The following LRRC37A2 variants were observed in gnomAD, a reference collection of about 807,000 sequenced individuals.
LRRC37A2 encodes leucine-rich repeat-containing protein 37A2.
A neutral mutation model predicts 68.8 loss-of-function variants in LRRC37A2; 9 were observed. The observed-to-expected ratio is 0.13, with a 90% CI of 0.08 to 0.23. The LOEUF is 0.23. LRRC37A2 is among the 10% of genes least tolerant of loss of function. LRRC37A2 has a pLI of 1.00. For synonymous variants in LRRC37A2, 63 were observed against 367.6 expected (o/e 0.17, Z 9.48); for missense variants, 168 against 950.4 (o/e 0.18, Z 10.82).
the LRRC37A2 span, among the ~76,000 whole-genome samples, chr17:46,893,697 T>A: frequency 1.3e-5 from 2 of 151,966 alleles, no homozygotes; most frequent in Non-Finnish European, 2.9e-5. Context: ...CAAGCTGAGG[T>A]TGGAATCCTG....
At chr17:47,038,290 A>C in the LRRC37A2 span, among the ~76,000 whole-genome samples, 2 of 152,142 alleles carry the variant, frequency 1.3e-5, no homozygotes, top group African/African-American at 4.8e-5. Context: ...AACAGAGTGA[A>C]AACCTGTCTT....
chr17:46,534,959 C>G (rs1470410854), intron 6 of LRRC37A2, among the ~76,000 whole-genome samples: 1 of 149,978 alleles, frequency 6.7e-6, no homozygotes, highest in East Asian at 1.9e-4. Flanking sequence ...GGGCTCCTCA[C>G]TTCTCAGACG....
chr17:46,797,708 A>T, the LRRC37A2 span, among the ~76,000 whole-genome samples: 3 of 152,262 alleles, frequency 2.0e-5, no homozygotes, highest in African/African-American at 7.2e-5. Context: ...TGGCCAGGAG[A>T]CAAAATAGAT....
the LRRC37A2 span, among the ~76,000 whole-genome samples, chr17:46,873,202 G>C: frequency 3.3e-5 from 5 of 151,916 alleles, no homozygotes; most frequent in Non-Finnish European, 2.9e-5. Context: ...CGAGCCAGGC[G>C]ATGCATTTGT....
At chr17:46,899,379 G>T in the LRRC37A2 span, among the ~76,000 whole-genome samples, 1 of 152,104 alleles carries the variant, frequency 6.6e-6, no homozygotes, top group African/African-American at 2.4e-5. Context: ...CACTCCAGCC[G>T]GGGTGACAGA....
the LRRC37A2 span, among the ~76,000 whole-genome samples, chr17:46,871,994 G>A: frequency 6.6e-6 from 1 of 152,192 alleles, no homozygotes. Flanking sequence ...AGAGAGGGAT[G>A]TCAGGGGACC....
the LRRC37A2 span, among the ~76,000 whole-genome samples, chr17:46,973,966 G>T: frequency 6.6e-6 from 1 of 152,160 alleles, no homozygotes; most frequent in African/African-American, 2.4e-5. Context: ...CTGAGTTGGG[G>T]TCTGGGGAGG....
the LRRC37A2 span, among the ~76,000 whole-genome samples, chr17:46,840,332 C>T: frequency 1.6e-4 from 24 of 152,256 alleles, no homozygotes; most frequent in East Asian, 5.8e-4. Flanking sequence ...ATGATCCACC[C>T]GCCTCGGCCT....
chr17:46,500,624 C>T, the LRRC37A2 span, among the ~76,000 whole-genome samples: 1 of 150,792 alleles, frequency 6.6e-6, no homozygotes, highest in Non-Finnish European at 1.5e-5. Flanking sequence ...TGGGTTTAGG[C>T]CTGAGGTTCT....
At chr17:46,990,069 A>G in the LRRC37A2 span, among the ~76,000 whole-genome samples, 2 of 152,218 alleles carry the variant, frequency 1.3e-5, no homozygotes, top group Non-Finnish European at 2.9e-5. Context: ...TTCCCTGAGA[A>G]TTTCTACACG....
the LRRC37A2 span, among the ~76,000 whole-genome samples, chr17:46,758,816 TC>T: frequency 4.6e-5 from 7 of 152,010 alleles, no homozygotes; most frequent in Non-Finnish European, 1.0e-4. Context: ...AAACAGTGAG[TC>T]AGCTATAAAC....
the LRRC37A2 span, among the ~76,000 whole-genome samples, chr17:47,012,802 T>C: frequency 8.5e-5 from 13 of 152,346 alleles, no homozygotes; most frequent in East Asian, 2.5e-3. Context: ...TGCAGTCACT[T>C]TGGAAATCTG....
At chr17:46,932,056 A>G in the LRRC37A2 span, 2 of 1,612,596 alleles carry the variant, frequency 1.2e-6, no homozygotes, top group East Asian at 2.2e-5. Flanking sequence ...CTCTCTCTCC[A>G]TCAATTCCAG....
At chr17:46,791,957 T>C in the LRRC37A2 span, among the ~76,000 whole-genome samples, 1 of 152,164 alleles carries the variant, frequency 6.6e-6, no homozygotes, top group African/African-American at 2.4e-5. Context: ...GGAGGATCGC[T>C]TGAGCCCAGG....
At chr17:46,823,032 A>G in the LRRC37A2 span, among the ~76,000 whole-genome samples, 2 of 131,742 alleles carry the variant, frequency 1.5e-5, no homozygotes, top group African/African-American at 5.8e-5. Flanking sequence ...TGTATTTATA[A>G]TAAATATGTA....
chr17:46,743,267 C>T, the LRRC37A2 span, among the ~76,000 whole-genome samples: 3 of 152,130 alleles, frequency 2.0e-5, no homozygotes, highest in Non-Finnish European at 2.9e-5. Flanking sequence ...TCAGGCATCC[C>T]GTCCCTCACC....
At chr17:46,461,438 C>T in the LRRC37A2 span, among the ~76,000 whole-genome samples, 5 of 106,488 alleles carry the variant, frequency 4.7e-5, no homozygotes, top group African/African-American at 1.7e-4. Context: ...TGAATTATTA[C>T]CATAAAAATC....
the LRRC37A2 span, among the ~76,000 whole-genome samples, chr17:46,493,139 T>A: frequency 1.8e-4 from 24 of 130,228 alleles, 2 homozygotes; most frequent in East Asian, 4.8e-3. Flanking sequence ...ATATCATTGT[T>A]TATGGAAAAA....
the LRRC37A2 span, among the ~76,000 whole-genome samples, chr17:47,040,551 T>A: frequency 7.9e-6 from 1 of 126,850 alleles, no homozygotes; most frequent in Admixed American, 8.5e-5. Flanking sequence ...AAGTCTCGCA[T>A]TATATGTCAT....
Sources: gnomAD v4.1 joint callset for allele counts (sites outside exome capture counted in the v4.1 genomes callset) on GRCh38, gnomAD v4.1.1 for gene constraint, MANE v1.5 for transcripts, NCBI Gene and HGNC (gene_info 2026-07-23, HGNC 2026-07-21) for gene names.